MDGA2: variants seen among roughly 807,000 people sequenced by gnomAD.
The protein encoded by MDGA2 is MAM domain-containing glycosylphosphatidylinositol anchor protein 2.
In MDGA2, 40 loss-of-function variants were observed where a neutral mutation model predicts 117.8. The observed-to-expected ratio is 0.34, with a 90% CI of 0.26 to 0.44. The LOEUF (loss-of-function observed/expected upper bound fraction) is 0.44. MDGA2 is among the 20% of genes least tolerant of loss of function. The probability of loss-of-function intolerance (pLI) is 1.00; values close to 1 mark genes in which losing one functional copy is unlikely to be tolerated. For synonymous variants in MDGA2, 452 were observed against 439.0 expected (o/e 1.03, Z -0.37); for missense variants, 1,123 against 1,250.6 (o/e 0.90, Z 1.54).
At chr14:47,370,956 G>C (rs1171322750) in intron 1 of MDGA2, among the ~76,000 whole-genome samples, 1 of 151,592 alleles carries the variant, frequency 6.6e-6, no homozygotes, top group Non-Finnish European at 1.5e-5. Flanking sequence ...ATCAAAAGCA[G>C]GGAATATATT....
At chr14:46,948,527 A>G (rs114981778) in intron 9 of MDGA2, among the ~76,000 whole-genome samples, 3,185 of 151,940 alleles carry the variant, frequency 0.021, 122 homozygotes, top group African/African-American at 0.072. Flanking sequence ...CTCTTACCCT[A>G]AGTTGGCCTG....
chr14:46,963,600 T>C lies in MDGA2; in HGVS notation c.1820-5957A>G, dbSNP rs760140102. On this transcript the variant is annotated intron_variant, in intron 8 of 16. Transcript: ENST00000399232. ...TGTTCTTTCTGCCTGAGATGTTCTT[T>C]CCTTTGGTCTTTCAATAGCTGGCTC... Among the ~76,000 whole-genome samples the C allele has an allele frequency of 1.3e-3, 195 of 152,358 alleles. 1 individual carries two copies. Among genetic ancestry groups the C allele is most frequent in the Non-Finnish European group, 9.0e-4 (61 of 68,038 alleles).
At chr14:47,667,782 T>G (rs1473644513) in intron 1 of MDGA2, among the ~76,000 whole-genome samples, 5 of 152,204 alleles carry the variant, frequency 3.3e-5, no homozygotes, top group African/African-American at 1.2e-4. Flanking sequence ...ATCACTTGAT[T>G]ATTTTTATTT....
At chr14:47,119,188 A>C (rs9805987) in intron 5 of MDGA2, among the ~76,000 whole-genome samples, 51,342 of 54,024 alleles carry the variant, frequency 0.95, 24,334 homozygotes, top group Middle Eastern at 0.99. Flanking sequence ...CCCCCCCCCC[A>C]CCCCGTAGCT....
chr14:47,157,866 G>C (rs922241244), intron 3 of MDGA2, among the ~76,000 whole-genome samples: 1 of 152,086 alleles, frequency 6.6e-6, no homozygotes, highest in African/African-American at 2.4e-5. Context: ...CTGTGAAGAA[G>C]TGCCTTTAAC....
intron 7 of MDGA2, among the ~76,000 whole-genome samples, chr14:47,055,924 T>C (rs945334478): frequency 1.3e-5 from 2 of 152,108 alleles, no homozygotes; most frequent in African/African-American, 4.8e-5. Flanking sequence ...AATTCAGAGG[T>C]CATGGATTTT....
intron 1 of MDGA2, among the ~76,000 whole-genome samples, chr14:47,572,535 G>A (rs1329991999): frequency 6.6e-6 from 1 of 152,118 alleles, no homozygotes; most frequent in South Asian, 2.1e-4. Context: ...GGATGAATTG[G>A]TGGTATCCCC....
intron 8 of MDGA2, among the ~76,000 whole-genome samples, chr14:47,016,647 A>G (rs527929585): frequency 8.9e-4 from 135 of 152,194 alleles, no homozygotes; most frequent in African/African-American, 3.2e-3. Flanking sequence ...ACCTATGATG[A>G]TGCAACTTGG....
chr14:47,654,426 C>T (rs1207588202), intron 1 of MDGA2, among the ~76,000 whole-genome samples: 1 of 152,072 alleles, frequency 6.6e-6, no homozygotes, highest in Non-Finnish European at 1.5e-5. Flanking sequence ...TTTTCCACCA[C>T]CTCCTCTGCT....
At chr14:47,499,020 C>T (rs8006787) in intron 1 of MDGA2, among the ~76,000 whole-genome samples, 42,269 of 151,804 alleles carry the variant, frequency 0.28, 6,294 homozygotes, top group South Asian at 0.53. Flanking sequence ...TTTTATTCTA[C>T]AATATTTATT....
intron 1 of MDGA2, among the ~76,000 whole-genome samples, chr14:47,385,092 T>C (rs950242114): frequency 2.0e-5 from 3 of 152,158 alleles, no homozygotes; most frequent in African/African-American, 4.8e-5. Context: ...TAGTTGAACA[T>C]AATACTGACC....
intron 5 of MDGA2, among the ~76,000 whole-genome samples, chr14:47,103,233 G>A (rs1880442123): frequency 6.6e-6 from 1 of 152,136 alleles, no homozygotes; most frequent in African/African-American, 2.4e-5. Flanking sequence ...CAGATTCAAG[G>A]AATAGAAAAA....
chr14:46,911,480 G>A (rs1016514985), intron 10 of MDGA2, among the ~76,000 whole-genome samples: 4 of 152,118 alleles, frequency 2.6e-5, no homozygotes, highest in African/African-American at 9.7e-5. Flanking sequence ...AAAGCAGTCA[G>A]GTTTTTGGTA....
chr14:47,384,018 AG>A (rs1431553161), intron 1 of MDGA2, among the ~76,000 whole-genome samples: 2,550 of 113,502 alleles, frequency 0.022, 78 homozygotes, highest in African/African-American at 0.068. Flanking sequence ...GATAGATAAT[AG>A]ATAGATTAGA....
At chr14:47,252,546 A>T (rs1202110848) in intron 2 of MDGA2, among the ~76,000 whole-genome samples, 3 of 152,200 alleles carry the variant, frequency 2.0e-5, no homozygotes, top group Admixed American at 1.3e-4. Context: ...GCAGAATTTT[A>T]AAAAATTGAA....
At chr14:47,178,949 T>C (rs575117805) in intron 3 of MDGA2, among the ~76,000 whole-genome samples, 1 of 152,152 alleles carries the variant, frequency 6.6e-6, no homozygotes, top group Non-Finnish European at 1.5e-5. Flanking sequence ...TTCAGGAAAC[T>C]GCAAAGAGCT....
intron 3 of MDGA2, among the ~76,000 whole-genome samples, chr14:47,186,370 T>C (rs947077614): frequency 1.3e-5 from 2 of 151,722 alleles, no homozygotes; most frequent in African/African-American, 4.8e-5. Context: ...TAAGACAAAC[T>C]TGAAAAAAGA....
At chr14:46,928,990 T>A (rs1056408291) in intron 9 of MDGA2, among the ~76,000 whole-genome samples, 3 of 152,122 alleles carry the variant, frequency 2.0e-5, no homozygotes, top group Admixed American at 2.0e-4. Flanking sequence ...AATGTAAAAA[T>A]CATTCTTAGC....
chr14:46,956,693 C>T (rs1885575053), intron 9 of MDGA2, among the ~76,000 whole-genome samples: 1 of 151,896 alleles, frequency 6.6e-6, no homozygotes, highest in South Asian at 2.1e-4. Context: ...AGCCAGCCAA[C>T]ACTACAGTAT....
Sources: gnomAD v4.1 joint callset for allele counts (sites outside exome capture counted in the v4.1 genomes callset) on GRCh38, gnomAD v4.1.1 for gene constraint, MANE v1.5 for transcripts, NCBI Gene and HGNC (gene_info 2026-07-23, HGNC 2026-07-21) for gene names.